The following SOX6 variants were observed in gnomAD, a reference collection of about 807,000 sequenced individuals.
SOX6 encodes the protein SRY-box transcription factor 6.
Under a neutral mutation model 97.8 loss-of-function variants are expected in SOX6, and 11 were observed. The ratio of observed to expected loss-of-function variants is 0.11; its 90% CI spans 0.07 to 0.19. The LOEUF is 0.19. Among genes scored for constraint, SOX6 ranks in the 10% least tolerant of loss-of-function variants. The pLI is 1.00. For missense variants in SOX6, 810 were observed against 1,039.5 expected (o/e 0.78, Z 3.04); for synonymous variants, 360 against 371.4 (o/e 0.97, Z 0.35).
intron 1 of SOX6, among the ~76,000 whole-genome samples, chr11:16,413,471 C>G (rs1441222424): frequency 6.9e-6 from 1 of 144,696 alleles, no homozygotes; most frequent in Non-Finnish European, 1.5e-5. Context: ...TCCCATATAA[C>G]TTAATTCATT....
chr11:16,218,636 A>G (rs1852441097), intron 4 of SOX6, among the ~76,000 whole-genome samples: 1 of 152,114 alleles, frequency 6.6e-6, no homozygotes, highest in South Asian at 2.1e-4. Context: ...CAAGTCTCTC[A>G]TTACTATTAT....
At chr11:16,261,030 TATTC>T (rs1853874995) in intron 3 of SOX6, among the ~76,000 whole-genome samples, 1 of 152,212 alleles carries the variant, frequency 6.6e-6, no homozygotes, top group Non-Finnish European at 1.5e-5. Flanking sequence ...AACTAACTCC[TATTC>T]ATTCAGTTAT....
chr11:16,368,898 C>G (rs1464743026), intron 1 of SOX6, among the ~76,000 whole-genome samples: 37 of 152,042 alleles, frequency 2.4e-4, no homozygotes, highest in Admixed American at 2.4e-3. Context: ...AAAACAACAA[C>G]CCAATTCAAC....
chr11:16,103,763 G>C lies in SOX6; in HGVS notation c.899-6075C>G, dbSNP rs561913282. Among the ~76,000 whole-genome samples, 212 of 151,956 alleles carry C rather than the reference G, an allele frequency of 1.4e-3. 1 individual carries two copies. The highest frequency in any genetic ancestry group is 4.8e-3 in the African/African-American group (198 of 41,474). The stretch of plus-strand genomic sequence containing the variant: ...ATTGGAGATTATTATTCTAAGTGAA[G>C]TAACTCAGAAATGGAAAACCAAGCA... On this transcript the variant is annotated intron_variant, in intron 7 of 15. Coordinates refer to ENST00000683767, the MANE Select transcript of SOX6 (RefSeq NM_001367873.1).
At chr11:16,053,615 G>A (rs2133918371) in intron 10 of SOX6, among the ~76,000 whole-genome samples, 1 of 152,246 alleles carries the variant, frequency 6.6e-6, no homozygotes, top group Middle Eastern at 3.4e-3. Context: ...AGGTGATATA[G>A]CTAGTAAAAG....
chr11:16,511,856 A>C (rs1265896992), intron 4 of SOX6, among the ~76,000 whole-genome samples: 5 of 152,278 alleles, frequency 3.3e-5, no homozygotes, highest in African/African-American at 9.6e-5. Context: ...GTCTAAGATG[A>C]GTTCCACACA....
At chr11:16,089,091 C>T (rs1848631279) in intron 9 of SOX6, among the ~76,000 whole-genome samples, 1 of 152,080 alleles carries the variant, frequency 6.6e-6, no homozygotes, top group South Asian at 2.1e-4. Flanking sequence ...GAGAAATGAA[C>T]TCAATGCAGT....
At chr11:16,121,731 G>A (rs1278464620) in intron 6 of SOX6, among the ~76,000 whole-genome samples, 1 of 151,916 alleles carries the variant, frequency 6.6e-6, no homozygotes, top group Non-Finnish European at 1.5e-5. Context: ...TTTATAAAAT[G>A]GATGATAAAT....
chr11:16,141,442 G>A (rs560629719), intron 6 of SOX6, among the ~76,000 whole-genome samples: 39 of 152,228 alleles, frequency 2.6e-4, no homozygotes, highest in Non-Finnish European at 5.3e-4. Flanking sequence ...CATGAGCAAC[G>A]CAGAAGACGG....
intron 3 of SOX6, among the ~76,000 whole-genome samples, chr11:16,304,122 G>A (rs2134278530): frequency 6.6e-6 from 1 of 152,178 alleles, no homozygotes. Flanking sequence ...CACCATGTTG[G>A]CCAAGCTGGT....
intron 3 of SOX6, among the ~76,000 whole-genome samples, chr11:16,675,777 GGCTTCC>G (rs1564866161): frequency 6.6e-6 from 1 of 152,146 alleles, no homozygotes. Context: ...ATTGCTCTCT[GGCTTCC>G]ATGATTTCTG....
intron 4 of SOX6, among the ~76,000 whole-genome samples, chr11:16,542,428 C>T (rs1278691390): frequency 6.6e-6 from 1 of 151,900 alleles, no homozygotes; most frequent in Non-Finnish European, 1.5e-5. Flanking sequence ...CAAACCTGCA[C>T]GTTATGCAGA....
At chr11:16,213,240 T>C (rs1353734867) in intron 4 of SOX6, among the ~76,000 whole-genome samples, 1 of 152,116 alleles carries the variant, frequency 6.6e-6, no homozygotes, top group African/African-American at 2.4e-5. Flanking sequence ...GGGAAAATAC[T>C]AGATACAAAA....
At chr11:16,676,868 C>G (rs1353679544) in intron 3 of SOX6, among the ~76,000 whole-genome samples, 1 of 151,932 alleles carries the variant, frequency 6.6e-6, no homozygotes, top group East Asian at 1.9e-4. Context: ...GAGAAGAAAA[C>G]TTGAGGTCTT....
chr11:15,999,516 T>C (rs1009553202), intron 13 of SOX6, among the ~76,000 whole-genome samples: 31 of 152,028 alleles, frequency 2.0e-4, no homozygotes, highest in African/African-American at 7.0e-4. Context: ...TAACTCTTAG[T>C]TTAAAAAAGG....
chr11:16,009,964 C>A (rs1016244131), intron 13 of SOX6, among the ~76,000 whole-genome samples: 2 of 151,800 alleles, frequency 1.3e-5, no homozygotes, highest in Non-Finnish European at 2.9e-5. Context: ...GTATATGGAT[C>A]AAAGAATGAG....
At chr11:16,432,893 A>C (rs1859297364) in intron 1 of SOX6, among the ~76,000 whole-genome samples, 2 of 152,000 alleles carry the variant, frequency 1.3e-5, no homozygotes, top group South Asian at 4.1e-4. Flanking sequence ...CTCCTAGTAC[A>C]TTTCATCTTA....
At chr11:16,569,009 A>T (rs764033543) in intron 4 of SOX6, among the ~76,000 whole-genome samples, 62 of 152,202 alleles carry the variant, frequency 4.1e-4, no homozygotes, top group Non-Finnish European at 8.1e-4. Flanking sequence ...GAAAGAAAAA[A>T]CAAATTAATA....
chr11:16,735,999 A>T (rs1055139557), intron 2 of SOX6, among the ~76,000 whole-genome samples: 11 of 152,266 alleles, frequency 7.2e-5, no homozygotes, highest in African/African-American at 1.9e-4. Flanking sequence ...GGGAAAATTT[A>T]AAAAAATGTA....
Sources: gnomAD v4.1 joint callset for allele counts (sites outside exome capture counted in the v4.1 genomes callset) on GRCh38, gnomAD v4.1.1 for gene constraint, MANE v1.5 for transcripts, NCBI Gene and HGNC (gene_info 2026-07-23, HGNC 2026-07-21) for gene names.